The following KCNIP4 variants were observed in gnomAD, a reference collection of about 807,000 sequenced individuals.
The protein encoded by KCNIP4 is Kv channel-interacting protein 4.
In KCNIP4, 12 loss-of-function variants were observed where a neutral mutation model predicts 34.0. The ratio of observed to expected loss-of-function variants is 0.35; its 90% CI spans 0.23 to 0.57. KCNIP4 has a LOEUF of 0.57. KCNIP4 is among the 20% of genes least tolerant of loss of function. The pLI is 0.83. For missense variants in KCNIP4, 238 were observed against 311.7 expected, an observed-to-expected ratio of 0.76 and a Z score of 1.78; for synonymous variants, 124 against 102.2, an observed-to-expected ratio of 1.21 and a Z score of -1.29.
intron 1 of KCNIP4, among the ~76,000 whole-genome samples, chr4:21,803,530 T>C (rs1721121787): frequency 6.6e-6 from 1 of 151,904 alleles, no homozygotes. Flanking sequence ...ATCACAATTT[T>C]CAACATTCAG....
At chr4:21,575,072 T>A (rs1740649531) in intron 1 of KCNIP4, among the ~76,000 whole-genome samples, 1 of 152,200 alleles carries the variant, frequency 6.6e-6, no homozygotes, top group Non-Finnish European at 1.5e-5. Flanking sequence ...ATCTCACTGA[T>A]CCTTTGTACA....
At chr4:21,396,990 C>G (rs1397474761) in intron 1 of KCNIP4, among the ~76,000 whole-genome samples, 1 of 152,080 alleles carries the variant, frequency 6.6e-6, no homozygotes, top group African/African-American at 2.4e-5. Flanking sequence ...CAATAGGAAA[C>G]CAACAGAATC....
At chr4:21,477,982 A>C (rs937731400) in intron 1 of KCNIP4, among the ~76,000 whole-genome samples, 1 of 152,166 alleles carries the variant, frequency 6.6e-6, no homozygotes, top group East Asian at 1.9e-4. Flanking sequence ...ACAAAAATCT[A>C]TCTTCAATGT....
At chr4:21,232,364 A>G (rs1273236017) in intron 1 of KCNIP4, among the ~76,000 whole-genome samples, 1 of 152,194 alleles carries the variant, frequency 6.6e-6, no homozygotes, top group Non-Finnish European at 1.5e-5. Context: ...ATCAATGACC[A>G]TATTGCCATG....
intron 1 of KCNIP4, among the ~76,000 whole-genome samples, chr4:21,776,882 C>T (rs573568424): frequency 6.6e-6 from 1 of 152,148 alleles, no homozygotes; most frequent in African/African-American, 2.4e-5. Context: ...CCTGCCTCAG[C>T]CTCCCAAGTA....
At chr4:21,038,407 C>T (rs1741653196) in intron 1 of KCNIP4, among the ~76,000 whole-genome samples, 1 of 152,108 alleles carries the variant, frequency 6.6e-6, no homozygotes, top group Non-Finnish European at 1.5e-5. Context: ...AGAGATGCCA[C>T]AGATGCAGGA....
At chr4:20,851,288 G>GT (rs1720997185) in intron 2 of KCNIP4, among the ~76,000 whole-genome samples, 2 of 152,104 alleles carry the variant, frequency 1.3e-5, no homozygotes, top group African/African-American at 4.8e-5. Context: ...GCAGTGTTTG[G>GT]TTTTCTGTTC....
chr4:20,734,557 G>T, intron 6 of KCNIP4, 71 bp downstream of exon 6: 1 of 725,564 alleles, frequency 1.4e-6, no homozygotes, highest in Non-Finnish European at 2.2e-6. Context: ...ATTAATAATT[G>T]CAATTAATAT....
In KCNIP4 at chr4:21,565,707, A is replaced by C. The variant is rs138002374; in HGVS notation, c.61+382864T>G. Among the ~76,000 whole-genome samples, 72 of 152,250 alleles carry C rather than the reference A, an allele frequency of 4.7e-4. No homozygotes were observed. The East Asian group carries it at 8.3e-3, about 18-fold the overall frequency. On this transcript the variant is annotated intron_variant, in intron 1 of 8. Transcript: ENST00000382152. ...ATTTACAGAATACTCTGTGTCTGGC[A>C]CTGTGTTGGGTGAGGAGAGGAGAAA...
At chr4:21,021,866 TATA>T (rs1740088525) in intron 1 of KCNIP4, among the ~76,000 whole-genome samples, 2 of 132,502 alleles carry the variant, frequency 1.5e-5, no homozygotes, top group Non-Finnish European at 3.2e-5. Flanking sequence ...TATCGTATAG[TATA>T]GTATAGTATA....
chr4:20,777,435 A>G (rs1756469528), intron 3 of KCNIP4, among the ~76,000 whole-genome samples: 2 of 152,226 alleles, frequency 1.3e-5, no homozygotes, highest in South Asian at 4.1e-4. Flanking sequence ...GGAGGTGATT[A>G]GGTCATAAGA....
chr4:21,251,345 T>A (rs1323536957), intron 1 of KCNIP4, among the ~76,000 whole-genome samples: 1 of 152,178 alleles, frequency 6.6e-6, no homozygotes, highest in East Asian at 1.9e-4. Flanking sequence ...CATTTGTATT[T>A]GCATGCATTA....
chr4:21,344,251 G>A (rs1053929430), intron 1 of KCNIP4, among the ~76,000 whole-genome samples: 18 of 152,112 alleles, frequency 1.2e-4, no homozygotes, highest in African/African-American at 4.3e-4. Context: ...ATCTAATGTG[G>A]ACTGTGAGAG....
intron 1 of KCNIP4, chr4:21,613,506 C>A (rs1744331145): frequency 6.6e-6 from 1 of 152,168 alleles, no homozygotes; most frequent in Non-Finnish European, 1.5e-5. Flanking sequence ...TCATGAGAGA[C>A]CCCTGTCCAG....
At chr4:20,813,468 A>G (rs1309338724) in intron 3 of KCNIP4, among the ~76,000 whole-genome samples, 3 of 152,116 alleles carry the variant, frequency 2.0e-5, no homozygotes, top group Non-Finnish European at 4.4e-5. Flanking sequence ...AACTCATACA[A>G]TATGTTTTTG....
chr4:21,039,411 G>A (rs73802433), intron 1 of KCNIP4, among the ~76,000 whole-genome samples: 3,664 of 151,626 alleles, frequency 0.024, 136 homozygotes, highest in African/African-American at 0.081. Flanking sequence ...TCAAGAGAGA[G>A]TAGCCAGAAA....
At chr4:21,897,420 C>A (rs893872185) in intron 1 of KCNIP4, among the ~76,000 whole-genome samples, 1 of 151,878 alleles carries the variant, frequency 6.6e-6, no homozygotes, top group Non-Finnish European at 1.5e-5. Context: ...TTTTTCTTGC[C>A]CTTGCTGTAA....
At chr4:21,236,124 G>T (rs1759340636) in intron 1 of KCNIP4, among the ~76,000 whole-genome samples, 1 of 151,962 alleles carries the variant, frequency 6.6e-6, no homozygotes, top group African/African-American at 2.4e-5. Flanking sequence ...GTAAAATCCT[G>T]CCTCTACAAG....
chr4:20,763,867 C>T (rs1370253854), intron 3 of KCNIP4, among the ~76,000 whole-genome samples: 1 of 152,122 alleles, frequency 6.6e-6, no homozygotes, highest in African/African-American at 2.4e-5. Flanking sequence ...GATGTTGTAA[C>T]ATGAAGATTA....
Sources: gnomAD v4.1 joint callset for allele counts (sites outside exome capture counted in the v4.1 genomes callset) on GRCh38, gnomAD v4.1.1 for gene constraint, MANE v1.5 for transcripts, NCBI Gene and HGNC (gene_info 2026-07-23, HGNC 2026-07-21) for gene names.